Variants in RPH3A observed in about 807,000 individuals in gnomAD.
RPH3A encodes the protein rabphilin 3A.
A neutral mutation model predicts 102.2 loss-of-function variants in RPH3A; 48 were observed. The observed-to-expected ratio is 0.47, with a 90% CI of 0.37 to 0.60. The LOEUF is 0.60. RPH3A is among the 20% of genes least tolerant of loss of function. The pLI is 0.00. For missense variants in RPH3A, 781 were observed against 910.1 expected (o/e 0.86, Z 1.83); for synonymous variants, 310 against 324.3 (o/e 0.96, Z 0.47).
At chr12:112,646,555 C>T (rs2039932281) in intron 1 of RPH3A, among the ~76,000 whole-genome samples, 1 of 152,216 alleles carries the variant, frequency 6.6e-6, no homozygotes, top group Non-Finnish European at 1.5e-5. Flanking sequence ...TCCTCCCAGC[C>T]ACCTCTCATG....
At chr12:112,644,042 A>G (rs555043977) in intron 1 of RPH3A, among the ~76,000 whole-genome samples, 75 of 152,324 alleles carry the variant, frequency 4.9e-4, no homozygotes, top group Admixed American at 4.6e-3. Context: ...AATCACTCAG[A>G]AACAGAAAGT....
At chr12:112,892,802 C>T (rs557657199) in intron 19 of RPH3A, 5 of 152,368 alleles carry the variant, frequency 3.3e-5, no homozygotes, top group East Asian at 1.9e-4. Context: ...CTAATATCCC[C>T]TCCAGTTGGG....
intron 1 of RPH3A, among the ~76,000 whole-genome samples, chr12:112,652,571 AG>A (rs1383305196): frequency 6.6e-6 from 1 of 152,194 alleles, no homozygotes; most frequent in African/African-American, 2.4e-5. Context: ...TGAGTGACCC[AG>A]GAGAGAACAG....
At chr12:112,710,282 C>T (rs963976350) in intron 1 of RPH3A, among the ~76,000 whole-genome samples, 4 of 152,118 alleles carry the variant, frequency 2.6e-5, no homozygotes, top group African/African-American at 9.7e-5. Context: ...GGCCTGGTTG[C>T]CTTTCTTGAC....
At chr12:112,681,580 C>T (rs2040226514) in intron 1 of RPH3A, among the ~76,000 whole-genome samples, 1 of 152,226 alleles carries the variant, frequency 6.6e-6, no homozygotes, top group Non-Finnish European at 1.5e-5. Context: ...CCTTTTCCAT[C>T]TCACTGTCTA....
chr12:112,609,078 G>A (rs1167168693), intron 1 of RPH3A, among the ~76,000 whole-genome samples: 2 of 152,116 alleles, frequency 1.3e-5, no homozygotes, highest in African/African-American at 2.4e-5. Context: ...TGGATGTTTC[G>A]TGAGCACCAT....
At chr12:112,781,467 A>T (rs998037431) in intron 1 of RPH3A, among the ~76,000 whole-genome samples, 1 of 151,932 alleles carries the variant, frequency 6.6e-6, no homozygotes, top group Non-Finnish European at 1.5e-5. Flanking sequence ...ATCACTTCCC[A>T]TTTTTTTGCC....
At chr12:112,884,844 A>C (rs2042978610) in intron 16 of RPH3A, among the ~76,000 whole-genome samples, 1 of 152,214 alleles carries the variant, frequency 6.6e-6, no homozygotes, top group Non-Finnish European at 1.5e-5. Flanking sequence ...ACATTCCTAG[A>C]CTGCAGAAGA....
At chr12:112,637,957 G>A (rs2039859746) in intron 1 of RPH3A, among the ~76,000 whole-genome samples, 1 of 151,488 alleles carries the variant, frequency 6.6e-6, no homozygotes, top group South Asian at 2.1e-4. Context: ...TTCTGCTACA[G>A]TTTGGATGTG....
At chr12:112,714,184 T>C (rs540613590) in intron 1 of RPH3A, among the ~76,000 whole-genome samples, 2 of 152,280 alleles carry the variant, frequency 1.3e-5, no homozygotes, top group African/African-American at 2.4e-5. Context: ...GCCTCCTAGA[T>C]ATTGCAGACC....
intron 1 of RPH3A, among the ~76,000 whole-genome samples, chr12:112,588,385 C>T (rs2039453289): frequency 6.7e-6 from 1 of 149,568 alleles, no homozygotes; most frequent in South Asian, 2.4e-4. Context: ...GCATGTCTTA[C>T]ATGAAAGAAA....
rs371342456 is a variant in RPH3A, at chr12:112,729,496, AT to A, written c.-139-62636del. On this transcript the variant is annotated intron_variant, in intron 1 of 21. Coordinates refer to the RPH3A transcript ENST00000543106. The stretch of plus-strand genomic sequence containing the variant: ...CCGCTGCACTCGGCATACAAAGGGA[AT>A]TTTTTTTTTTATCGCAGGTGTCTTG... Among the ~76,000 whole-genome samples the A allele has an allele frequency of 3.3e-3, 491 of 148,930 alleles. 3 individuals carry two copies. Among genetic ancestry groups the A allele is most frequent in the African/African-American group, 0.011 (437 of 40,882 alleles).
chr12:112,879,128 G>T lies in RPH3A; in HGVS notation c.1181G>T (p.Gly394Val), dbSNP rs1218996109. The T allele has an allele frequency of 6.2e-6, 10 of 1,613,738 alleles. No individual in the cohort carries two copies. The African/African-American group carries it at 8.0e-5, about 13-fold the overall frequency. Reference sequence around the variant, plus strand: ...TCTCTGCCCCCTTCAGCCACCCTGGGTGCCCTGGAATTCAGCCTTCTCTAC... The same window carrying T: ...TCTCTGCCCCCTTCAGCCACCCTGGTTGCCCTGGAATTCAGCCTTCTCTAC... ...SYDSDEATTLGALEFSLLYDQ... is the reference protein window; with the variant it reads ...SYDSDEATTLVALEFSLLYDQ... The change falls in exon 14 of 22, where the codon GGT (glycine) becomes GTT (valine). Residue 394 changes from glycine to valine, a missense_variant. Coordinates refer to ENST00000389385, the MANE Select transcript of RPH3A (RefSeq NM_001143854.2).
At chr12:112,761,064 T>C (rs1424232316) in intron 1 of RPH3A, among the ~76,000 whole-genome samples, 1 of 151,968 alleles carries the variant, frequency 6.6e-6, no homozygotes, top group East Asian at 1.9e-4. Context: ...GGAAGACAAA[T>C]AGTCTGGAGG....
In RPH3A at chr12:112,894,390, A is replaced by G. The variant is rs1351172252; in HGVS notation, c.1776-188A>G. ...GCCTAGGGTCATGTGGGGATTAAAT[A>G]TGCCTAAGTTGCTCAGTCAAGTGCC... On this transcript the variant is annotated intron_variant, in intron 19 of 21. Transcript: ENST00000389385. 7 of 611,186 alleles carry G rather than the reference A, an allele frequency of 1.1e-5. No homozygotes were observed. The South Asian group carries it at 1.2e-4, about 11-fold the overall frequency. 37.9% of individuals were successfully genotyped at this position (611,186 alleles called of 1,614,324 possible).
At chr12:112,841,863 G>C (rs1004643511) in intron 4 of RPH3A, 1 of 450,456 alleles carries the variant, frequency 2.2e-6, no homozygotes, top group South Asian at 1.6e-5. Flanking sequence ...GCCACTTAAA[G>C]TCAGCTAGGT....
intron 1 of RPH3A, among the ~76,000 whole-genome samples, chr12:112,706,111 C>T (rs1427851180): frequency 1.3e-5 from 2 of 152,174 alleles, no homozygotes; most frequent in Admixed American, 6.5e-5. Flanking sequence ...GAGACTAGAG[C>T]AGACACTTTT....
intron 17 of RPH3A, 102 bp downstream of exon 17, chr12:112,888,025 G>T: frequency 7.4e-7 from 1 of 1,348,192 alleles, no homozygotes; most frequent in Non-Finnish European, 1.0e-6. Context: ...GGGGTATTGG[G>T]TAGCAGAGGC....
At chr12:112,710,894 C>A (rs1159040001) in intron 1 of RPH3A, among the ~76,000 whole-genome samples, 1 of 152,112 alleles carries the variant, frequency 6.6e-6, no homozygotes, top group East Asian at 1.9e-4. Flanking sequence ...TGTAACACAG[C>A]ACCTAGCACA....
Sources: allele counts gnomAD v4.1 joint callset (sites outside exome capture counted in the v4.1 genomes callset), GRCh38; gene constraint gnomAD v4.1.1; transcripts MANE v1.5; gene names NCBI Gene and HGNC (gene_info 2026-07-23, HGNC 2026-07-21).